Variants in SLC4A4 observed in about 807,000 individuals in gnomAD.
SLC4A4 encodes electrogenic sodium bicarbonate cotransporter 1.
Under a neutral mutation model 111.5 loss-of-function variants are expected in SLC4A4, and 27 were observed. That is an observed-to-expected ratio of 0.24 (90% CI 0.18 to 0.33). SLC4A4 has a LOEUF of 0.33. SLC4A4 is among the 10% of genes least tolerant of loss of function. The pLI is 1.00. For synonymous variants in SLC4A4, 443 were observed against 463.4 expected, an observed-to-expected ratio of 0.96 and a Z score of 0.57; for missense variants, 909 against 1,315.5, an observed-to-expected ratio of 0.69 and a Z score of 4.78.
chr4:71,083,798 G>A (rs1041870169), intron 1 of SLC4A4, among the ~76,000 whole-genome samples: 1 of 124,964 alleles, frequency 8.0e-6, no homozygotes, highest in African/African-American at 3.2e-5. Flanking sequence ...GCCCCCACCA[G>A]TCTCAAAGTC....
intron 16 of SLC4A4, among the ~76,000 whole-genome samples, chr4:71,521,138 A>G (rs1211212253): frequency 1.3e-5 from 2 of 152,226 alleles, no homozygotes; most frequent in African/African-American, 4.8e-5. Context: ...TATGACAGGC[A>G]TGAGCCACCA....
intron 3 of SLC4A4, among the ~76,000 whole-genome samples, chr4:71,292,904 C>T (rs190163431): frequency 0.011 from 1,407 of 132,168 alleles, 9 homozygotes; most frequent in Non-Finnish European, 0.014. Flanking sequence ...TGCAGTGGTG[C>T]GATTTCGGCT....
At chr4:71,563,272 G>A (rs1737155261) in intron 23 of SLC4A4, among the ~76,000 whole-genome samples, 1 of 151,790 alleles carries the variant, frequency 6.6e-6, no homozygotes, top group Admixed American at 6.6e-5. Flanking sequence ...AGTACTTAAA[G>A]TAAGAGAGGA....
intron 1 of SLC4A4, among the ~76,000 whole-genome samples, chr4:71,226,791 A>T (rs984372679): frequency 1.3e-5 from 2 of 152,080 alleles, no homozygotes; most frequent in African/African-American, 4.8e-5. Context: ...ATGTGCCCTC[A>T]CTGTGCCTAT....
At chr4:71,461,654 T>G (rs879203998) in intron 12 of SLC4A4, among the ~76,000 whole-genome samples, 1 of 152,124 alleles carries the variant, frequency 6.6e-6, no homozygotes, top group Non-Finnish European at 1.5e-5. Flanking sequence ...GGCTTTTAAT[T>G]TTTTTTAGAA....
At chr4:71,161,379 G>A (rs1370601220) in intron 2 of SLC4A4, among the ~76,000 whole-genome samples, 1 of 152,150 alleles carries the variant, frequency 6.6e-6, no homozygotes, top group Non-Finnish European at 1.5e-5. Context: ...TTTACTGAGG[G>A]GATGATGTCA....
rs536330278 is a variant in SLC4A4 at position 71,222,309 on chromosome 4, G to T, written c.-1-14267G>T. 1.2e-4 allele frequency among the ~76,000 whole-genome samples: 18 copies of T among 152,228 alleles called. No homozygotes were observed. The South Asian group carries it at 1.7e-3, about 14-fold the overall frequency. On this transcript the variant is annotated intron_variant, in intron 1 of 25. Coordinates refer to ENST00000264485, the MANE Select transcript of SLC4A4 (RefSeq NM_001098484.3). Reference sequence around the variant, plus strand: ...GCATTTGCTGTTCTCTCACATAACTGCAAGTCTCACTTCCTTACCCTTTTC... The same window carrying T: ...GCATTTGCTGTTCTCTCACATAACTTCAAGTCTCACTTCCTTACCCTTTTC...
intron 2 of SLC4A4, among the ~76,000 whole-genome samples, chr4:71,145,761 G>A (rs1299997711): frequency 6.6e-6 from 1 of 152,096 alleles, no homozygotes; most frequent in Non-Finnish European, 1.5e-5. Context: ...TTCTCTGATG[G>A]TAGTTTGTAT....
chr4:71,452,263 C>T (rs1725840529), intron 11 of SLC4A4, among the ~76,000 whole-genome samples: 1 of 152,114 alleles, frequency 6.6e-6, no homozygotes. Context: ...ATAAAATCTT[C>T]TCTCCTCTCC....
In SLC4A4 at chr4:71,472,951, C is replaced by G; in HGVS notation, c.1884C>G (p.Thr628=). The G allele has an allele frequency of 6.2e-7, 1 of 1,612,972 alleles. No homozygotes were observed. Among genetic ancestry groups the G allele is most frequent in the African/African-American group, 1.3e-5 (1 of 74,908 alleles). ...GCTACAACACTCTCTTTTCCTGTAC[C>G]TGTGTGCCACCTGACCCAGGTGAGG... ...KVGYNTLFSC[T]CVPPDPANIS... The change falls in exon 14 of 26, where the codon ACC becomes ACG. Residue 628 remains threonine, a synonymous_variant. Transcript: ENST00000264485.
In SLC4A4 at chr4:71,443,480, G is replaced by A. The variant is rs577664140; in HGVS notation, c.965+2707G>A. On this transcript the variant is annotated intron_variant, in intron 8 of 25. Coordinates refer to ENST00000264485, the MANE Select transcript of SLC4A4 (RefSeq NM_001098484.3). ...CATATTTTTGAGCTATATAGGGGAT[G>A]AATGTTCTTCTTATACCATTTTGCA... Among the ~76,000 whole-genome samples the A allele has an allele frequency of 1.1e-4, 16 of 152,144 alleles. No homozygotes were observed. The South Asian group carries it at 3.1e-3, about 30-fold the overall frequency.
At chr4:71,063,556 G>T (rs572757623) in intron 1 of SLC4A4, among the ~76,000 whole-genome samples, 1 of 151,822 alleles carries the variant, frequency 6.6e-6, no homozygotes, top group Non-Finnish European at 1.5e-5. Flanking sequence ...TTTGTACCTG[G>T]TATTTTTAAT....
chr4:71,357,191 A>T lies in SLC4A4; in HGVS notation c.730+4A>T. On this transcript the variant is annotated splice_donor_region_variant and intron_variant, in intron 6 of 25. Coordinates refer to ENST00000264485, the MANE Select transcript of SLC4A4 (RefSeq NM_001098484.3). ...ATGTTTACCAACCCTGATAATGGTA[A>T]TGCAGAGGCCAGCTGGCTGCTGCTT... The T allele has an allele frequency of 6.2e-7, 1 of 1,613,778 alleles. No individual in the cohort carries two copies. Among genetic ancestry groups the T allele is most frequent in the South Asian group, 1.1e-5 (1 of 91,072 alleles).
intron 7 of SLC4A4, among the ~76,000 whole-genome samples, chr4:71,404,560 C>T (rs971243407): frequency 2.0e-5 from 3 of 152,118 alleles, no homozygotes; most frequent in Non-Finnish European, 4.4e-5. Flanking sequence ...CAGGAATATA[C>T]CTAGAATATA....
At chr4:71,330,302 G>C (rs1469953581) in intron 3 of SLC4A4, among the ~76,000 whole-genome samples, 1 of 152,074 alleles carries the variant, frequency 6.6e-6, no homozygotes, top group Non-Finnish European at 1.5e-5. Flanking sequence ...TTTGGTATCA[G>C]GGTAATATAA....
intron 2 of SLC4A4, among the ~76,000 whole-genome samples, chr4:71,112,133 C>T (rs1461054273): frequency 6.6e-6 from 1 of 152,196 alleles, no homozygotes; most frequent in Non-Finnish European, 1.5e-5. Flanking sequence ...TATCTTCCTT[C>T]CACTCTGGCT....
rs1720328743 is a variant in SLC4A4, at chr4:71,242,595, G to A, written c.73+5946G>A. 2.6e-5 allele frequency among the ~76,000 whole-genome samples: 4 copies of A among 152,020 alleles called. No individual in the cohort carries two copies. The South Asian group carries it at 8.3e-4, about 32-fold the overall frequency. ...CTGCTGTACCTGGCATTAGGAACAGGAGTGCTTTATACTCCACCACTGTCT... is the reference window on the plus strand; with the variant it reads ...CTGCTGTACCTGGCATTAGGAACAGAAGTGCTTTATACTCCACCACTGTCT... On this transcript the variant is annotated intron_variant, in intron 2 of 25. Coordinates refer to ENST00000264485, the MANE Select transcript of SLC4A4 (RefSeq NM_001098484.3).
At chr4:71,071,004 C>T (rs1741645252) in intron 1 of SLC4A4, among the ~76,000 whole-genome samples, 1 of 152,168 alleles carries the variant, frequency 6.6e-6, no homozygotes, top group Admixed American at 6.5e-5. Flanking sequence ...GGTGTGGTGG[C>T]TCACGCCTAT....
intron 2 of SLC4A4, among the ~76,000 whole-genome samples, chr4:71,252,960 A>G (rs370374738): frequency 2.0e-3 from 311 of 152,304 alleles, no homozygotes; most frequent in South Asian, 0.018. Flanking sequence ...TGAGAGGAAC[A>G]ACATTTCTGC....
Sources: allele counts gnomAD v4.1 joint callset (sites outside exome capture counted in the v4.1 genomes callset), GRCh38; gene constraint gnomAD v4.1.1; transcripts MANE v1.5; gene names NCBI Gene and HGNC (gene_info 2026-07-23, HGNC 2026-07-21).